The following PTPRD variants were observed in gnomAD, a reference collection of about 807,000 sequenced individuals.
PTPRD encodes the protein receptor-type tyrosine-protein phosphatase delta.
Under a neutral mutation model 214.5 loss-of-function variants are expected in PTPRD, and 34 were observed. The observed-to-expected ratio is 0.16, with a 90% confidence interval of 0.12 to 0.21. The LOEUF is 0.21. Among genes scored for constraint, PTPRD ranks in the 10% least tolerant of loss-of-function variants. PTPRD has a pLI of 1.00. For synonymous variants in PTPRD, 1,128 were observed against 845.7 expected, an observed-to-expected ratio of 1.33 and a Z score of -5.79; for missense variants, 2,545 against 2,398.7, an observed-to-expected ratio of 1.06 and a Z score of -1.27.
chr9:9,539,816 A>G (rs1028649732), intron 8 of PTPRD, among the ~76,000 whole-genome samples: 1 of 151,880 alleles, frequency 6.6e-6, no homozygotes, highest in Non-Finnish European at 1.5e-5. Flanking sequence ...CTAAACTCTA[A>G]GCACATAAAG....
At chr9:8,713,334 A>G in intron 12 of PTPRD, 1 of 887,434 alleles carries the variant, frequency 1.1e-6, no homozygotes, top group Non-Finnish European at 1.8e-6. Context: ...GCACACTAAG[A>G]GAGTACAAAG....
At chr9:8,996,458 A>C (rs183967551) in intron 11 of PTPRD, among the ~76,000 whole-genome samples, 52 of 152,186 alleles carry the variant, frequency 3.4e-4, no homozygotes, top group Admixed American at 3.3e-3. Context: ...TTGTTGCCTA[A>C]TGATAGAGGT....
intron 3 of PTPRD, among the ~76,000 whole-genome samples, chr9:10,315,372 T>C (rs2096393896): frequency 6.6e-6 from 1 of 151,908 alleles, no homozygotes; most frequent in Admixed American, 6.6e-5. Flanking sequence ...GGACCTAATA[T>C]CATAAATGTC....
At chr9:8,856,542 T>C (rs963292906) in intron 11 of PTPRD, among the ~76,000 whole-genome samples, 4 of 151,876 alleles carry the variant, frequency 2.6e-5, no homozygotes, top group Admixed American at 1.3e-4. Flanking sequence ...CACATGTAAA[T>C]ATATATATAT....
chr9:10,280,252 TA>T (rs1387427864), intron 3 of PTPRD, among the ~76,000 whole-genome samples: 1 of 152,094 alleles, frequency 6.6e-6, no homozygotes, highest in African/African-American at 2.4e-5. Context: ...TAGTTAAATT[TA>T]CTAGTAATCA....
chr9:9,284,084 T>C (rs1948630087), intron 9 of PTPRD, among the ~76,000 whole-genome samples: 1 of 151,614 alleles, frequency 6.6e-6, no homozygotes, highest in African/African-American at 2.4e-5. Flanking sequence ...ACATTATTGG[T>C]GTTCTTAGCT....
At chr9:9,321,823 C>A (rs1251421636) in intron 9 of PTPRD, among the ~76,000 whole-genome samples, 2 of 152,054 alleles carry the variant, frequency 1.3e-5, no homozygotes, top group Admixed American at 1.3e-4. Context: ...TGAGATAATT[C>A]ATGTAAGGTG....
rs557555299 is a variant in PTPRD, at chr9:8,752,631, A to C, written c.-103-18685T>G. Among the ~76,000 whole-genome samples the C allele has an allele frequency of 2.6e-5, 4 of 152,214 alleles. No individual in the cohort carries two copies. The South Asian group carries it at 6.2e-4, about 24-fold the overall frequency. On this transcript the variant is annotated intron_variant, in intron 11 of 45. Transcript: ENST00000381196. ...TCTGGATCGGGACCCCTTTCCTGTA[A>C]CACCACCACCACACAAACGAGCCCA... is the stretch of plus-strand genomic sequence containing the variant.
chr9:9,906,071 A>T (rs1298339548), intron 5 of PTPRD, among the ~76,000 whole-genome samples: 1 of 151,960 alleles, frequency 6.6e-6, no homozygotes. Context: ...GAATAGAAAA[A>T]ATACAGGATG....
chr9:8,397,138 G>A (rs947985170), intron 36 of PTPRD, among the ~76,000 whole-genome samples: 2 of 152,028 alleles, frequency 1.3e-5, no homozygotes, highest in African/African-American at 4.8e-5. Flanking sequence ...GTTTTTTAAG[G>A]GATGGGATAT....
At chr9:10,441,657 C>T (rs2098759532) in intron 2 of PTPRD, among the ~76,000 whole-genome samples, 1 of 151,448 alleles carries the variant, frequency 6.6e-6, no homozygotes, top group Non-Finnish European at 1.5e-5. Context: ...TACACTTAAC[C>T]ATAAGTCAAT....
At chr9:10,225,427 GA>G (rs768080900) in intron 3 of PTPRD, among the ~76,000 whole-genome samples, 2 of 152,016 alleles carry the variant, frequency 1.3e-5, no homozygotes, top group Non-Finnish European at 2.9e-5. Flanking sequence ...TACTTTCAGA[GA>G]CATTAAACTA....
intron 3 of PTPRD, among the ~76,000 whole-genome samples, chr9:10,275,214 C>CA (rs965234768): frequency 2.6e-5 from 4 of 151,888 alleles, no homozygotes; most frequent in Admixed American, 6.6e-5. Context: ...TTTCTTTTTA[C>CA]AAAAAAACTT....
At chr9:8,497,658 A>G (rs1005917920) in intron 25 of PTPRD, among the ~76,000 whole-genome samples, 4 of 152,216 alleles carry the variant, frequency 2.6e-5, no homozygotes, top group East Asian at 1.9e-4. Flanking sequence ...TATAACTTCA[A>G]TGAAGTCCTG....
intron 14 of PTPRD, among the ~76,000 whole-genome samples, chr9:8,532,791 C>T (rs775061359): frequency 1.3e-5 from 2 of 152,100 alleles, no homozygotes; most frequent in Non-Finnish European, 2.9e-5. Context: ...TAGAGTCATA[C>T]ATATTTTGTT....
At chr9:10,566,462 T>C (rs891252273) in intron 2 of PTPRD, among the ~76,000 whole-genome samples, 1 of 152,064 alleles carries the variant, frequency 6.6e-6, no homozygotes, top group African/African-American at 2.4e-5. Flanking sequence ...TAACCTGGAA[T>C]GTAATTTTTA....
intron 2 of PTPRD, among the ~76,000 whole-genome samples, chr9:10,586,954 T>C (rs2074084388): frequency 6.6e-6 from 1 of 152,054 alleles, no homozygotes. Flanking sequence ...CCTGGCTATA[T>C]TTATCTAAAC....
chr9:10,150,589 C>T (rs1442895365), intron 3 of PTPRD, among the ~76,000 whole-genome samples: 1 of 150,716 alleles, frequency 6.6e-6, no homozygotes, highest in Non-Finnish European at 1.5e-5. Flanking sequence ...AGCACACCAG[C>T]ACAGCACATG....
At chr9:10,184,258 C>G (rs2099317525) in intron 3 of PTPRD, among the ~76,000 whole-genome samples, 4 of 152,000 alleles carry the variant, frequency 2.6e-5, no homozygotes, top group Non-Finnish European at 5.9e-5. Flanking sequence ...AACCACATCT[C>G]TACCAAAAAT....
Sources: gnomAD v4.1 joint callset for allele counts (sites outside exome capture counted in the v4.1 genomes callset) on GRCh38, gnomAD v4.1.1 for gene constraint, MANE v1.5 for transcripts, NCBI Gene and HGNC (gene_info 2026-07-23, HGNC 2026-07-21) for gene names.